RIMS1: variants seen among roughly 807,000 people sequenced by gnomAD.
RIMS1 encodes the protein regulating synaptic membrane exocytosis protein 1.
In RIMS1, 83 loss-of-function variants were observed where a neutral mutation model predicts 214.1. The observed-to-expected ratio is 0.39, with a 90% CI of 0.32 to 0.47. The LOEUF (loss-of-function observed/expected upper bound fraction) is 0.47. RIMS1 is among the 20% of genes least tolerant of loss of function. The pLI is 0.99. For missense variants in RIMS1, 2,050 were observed against 2,161.8 expected (o/e 0.95, Z 1.03); for synonymous variants, 793 against 786.8 (o/e 1.01, Z -0.13).
chr6:71,956,796 G>A (rs544272459), intron 1 of RIMS1, among the ~76,000 whole-genome samples: 4 of 152,210 alleles, frequency 2.6e-5, no homozygotes, highest in South Asian at 2.1e-4. Flanking sequence ...ATCTCGTTGC[G>A]CGAATGAATG....
At chr6:71,966,403 T>A (rs1794444908) in intron 1 of RIMS1, among the ~76,000 whole-genome samples, 1 of 152,238 alleles carries the variant, frequency 6.6e-6, no homozygotes, top group Non-Finnish European at 1.5e-5. Context: ...TCAGAAAGAT[T>A]CTATAACATA....
chr6:72,302,640 A>G (rs1453017642), intron 26 of RIMS1, among the ~76,000 whole-genome samples: 3 of 151,564 alleles, frequency 2.0e-5, no homozygotes, highest in South Asian at 2.1e-4. Flanking sequence ...GGACTGCACT[A>G]TCATGGAGCT....
At chr6:72,034,687 A>G (rs1819098066) in intron 2 of RIMS1, among the ~76,000 whole-genome samples, 1 of 152,052 alleles carries the variant, frequency 6.6e-6, no homozygotes, top group South Asian at 2.1e-4. Flanking sequence ...ATTAAATGTC[A>G]CTTTGTCTAA....
chr6:72,037,815 G>T lies in RIMS1; in HGVS notation c.246-59134G>T, dbSNP rs575290793. 1.5e-4 allele frequency among the ~76,000 whole-genome samples: 22 copies of T among 151,492 alleles called. No individual in the cohort carries two copies. The South Asian group carries it at 4.6e-3, about 32-fold the overall frequency. The stretch of plus-strand genomic sequence containing the variant: ...TTTCACCTCACTCTTCCTATTTTTG[G>T]TTGATTTGAGAGACATCAATTGCCT... On this transcript the variant is annotated intron_variant, in intron 2 of 33. Transcript: ENST00000521978.
intron 28 of RIMS1, among the ~76,000 whole-genome samples, 157 bp from the exon 29 acceptor site, chr6:72,333,443 G>A (rs2096738314): frequency 6.6e-6 from 1 of 151,892 alleles, no homozygotes; most frequent in African/African-American, 2.4e-5. Context: ...AGGTGGTGGT[G>A]TGATACTAAA....
At chr6:72,032,053 G>A (rs900114784) in intron 2 of RIMS1, among the ~76,000 whole-genome samples, 1 of 152,094 alleles carries the variant, frequency 6.6e-6, no homozygotes, top group Non-Finnish European at 1.5e-5. Context: ...GACTAATGAT[G>A]CATTTATATC....
chr6:72,204,715 A>C (rs573317807), intron 6 of RIMS1, among the ~76,000 whole-genome samples: 1 of 152,192 alleles, frequency 6.6e-6, no homozygotes, highest in Non-Finnish European at 1.5e-5. Flanking sequence ...TATGGTTACT[A>C]AAGTGATAGT....
At chr6:72,006,198 G>A (rs897120394) in intron 2 of RIMS1, among the ~76,000 whole-genome samples, 2 of 152,030 alleles carry the variant, frequency 1.3e-5, no homozygotes, top group African/African-American at 4.8e-5. Context: ...ACCTCCCAGG[G>A]GATCCACCTC....
At chr6:71,939,158 T>C (rs1785314938) in intron 1 of RIMS1, among the ~76,000 whole-genome samples, 1 of 152,232 alleles carries the variant, frequency 6.6e-6, no homozygotes, top group Non-Finnish European at 1.5e-5. Flanking sequence ...ATAACAAAGA[T>C]GGCCTTTACT....
Position 72,336,179 on chromosome 6 carries a change from CT to C in RIMS1, c.4366+2349del, listed in dbSNP as rs538103756. ...TTCTTCCCTCAACTTTCCAGTCTGT[CT>C]TTTTCTCTCTCTTCTCCCTCTTTAC... On this transcript the variant is annotated intron_variant, in intron 29 of 33. Coordinates refer to ENST00000521978, the MANE Select transcript of RIMS1 (RefSeq NM_014989.7). 3.7e-3 allele frequency among the ~76,000 whole-genome samples: 558 copies of C among 151,920 alleles called. 4 individuals are homozygous for C. Among genetic ancestry groups the C allele is most frequent in the South Asian group, 0.016 (79 of 4,826 alleles).
intron 2 of RIMS1, among the ~76,000 whole-genome samples, chr6:71,973,292 G>A (rs545571807): frequency 1.3e-5 from 2 of 152,300 alleles, no homozygotes; most frequent in South Asian, 4.1e-4. Context: ...CAATTACCCT[G>A]AGACCCAGAA....
At position 72,099,960 on chromosome 6, in the gene RIMS1, G is replaced by C; in HGVS notation, c.460-15G>C. ...CTTCTTTCTCTACTCTGCTTCCTTGGATGCTTTCCCAAAGGAGGACAAAGT... is the reference window on the plus strand; with the variant it reads ...CTTCTTTCTCTACTCTGCTTCCTTGCATGCTTTCCCAAAGGAGGACAAAGT... On this transcript the variant is annotated splice_polypyrimidine_tract_variant and intron_variant, in intron 3 of 33. Coordinates refer to ENST00000521978, the MANE Select transcript of RIMS1 (RefSeq NM_014989.7). The C allele has an allele frequency of 6.2e-7, 1 of 1,601,408 alleles. No homozygotes were observed. The highest frequency in any genetic ancestry group is 1.1e-5 in the South Asian group (1 of 90,496).
At chr6:72,372,364 A>G (rs2098245816) in intron 29 of RIMS1, among the ~76,000 whole-genome samples, 1 of 152,182 alleles carries the variant, frequency 6.6e-6, no homozygotes, top group Non-Finnish European at 1.5e-5. Flanking sequence ...TCCTGAGATA[A>G]TTATTTTTGC....
chr6:72,158,181 T>C lies in RIMS1; in HGVS notation c.472-21394T>C, dbSNP rs2044705280. Among the ~76,000 whole-genome samples the C allele has an allele frequency of 1.4e-5, 2 of 140,498 alleles. 1 individual carries two copies. The highest frequency in any genetic ancestry group is 5.0e-5 in the African/African-American group (2 of 40,180). The allele number at this position is 140,498 out of a possible 152,430, so 92.2% of individuals were successfully genotyped here. On this transcript the variant is annotated intron_variant, in intron 4 of 33. Transcript: ENST00000521978. ...TAAAAACACTCTTTAGTATTTCTTTTCCTGTGATGCTTCTGGTAACACATT... is the reference window on the plus strand; with the variant it reads ...TAAAAACACTCTTTAGTATTTCTTTCCCTGTGATGCTTCTGGTAACACATT...
At chr6:72,310,647 G>C (rs115068966) in intron 27 of RIMS1, among the ~76,000 whole-genome samples, 2,664 of 151,932 alleles carry the variant, frequency 0.018, 40 homozygotes, top group African/African-American at 0.038. Context: ...TGACTTATTT[G>C]CCCTCTGTAG....
At chr6:72,040,664 A>G (rs1272865532) in intron 2 of RIMS1, among the ~76,000 whole-genome samples, 1 of 151,950 alleles carries the variant, frequency 6.6e-6, no homozygotes, top group East Asian at 1.9e-4. Context: ...AGAATCTACA[A>G]TTAAAAGAAT....
intron 1 of RIMS1, among the ~76,000 whole-genome samples, chr6:71,944,382 C>G (rs1036651647): frequency 5.3e-5 from 8 of 152,196 alleles, no homozygotes; most frequent in African/African-American, 1.9e-4. Context: ...TAGCCTCCTA[C>G]CTGGGGCACA....
chr6:72,325,165 G>A (rs991460939), intron 28 of RIMS1, among the ~76,000 whole-genome samples: 1 of 151,540 alleles, frequency 6.6e-6, no homozygotes, highest in Non-Finnish European at 1.5e-5. Flanking sequence ...CTCGGTGATG[G>A]CAGCCTTTCC....
chr6:72,106,757 T>C (rs900965957), intron 4 of RIMS1, among the ~76,000 whole-genome samples: 2 of 152,194 alleles, frequency 1.3e-5, no homozygotes, highest in African/African-American at 4.8e-5. Context: ...ATGGTTCCCC[T>C]AAAAAATATA....
Sources: gnomAD v4.1 joint callset for allele counts (sites outside exome capture counted in the v4.1 genomes callset) on GRCh38, gnomAD v4.1.1 for gene constraint, MANE v1.5 for transcripts, NCBI Gene and HGNC (gene_info 2026-07-23, HGNC 2026-07-21) for gene names.